The following ABHD2 variants were observed in gnomAD, a reference collection of about 807,000 sequenced individuals.
ABHD2 encodes the protein abhydrolase domain containing 2, acylglycerol lipase.
A neutral mutation model predicts 48.1 loss-of-function variants in ABHD2; 20 were observed. The observed-to-expected ratio is 0.42, with a 90% CI of 0.29 to 0.60. The LOEUF (loss-of-function observed/expected upper bound fraction) is 0.60, where lower values mean the gene tolerates loss of function less well. Among genes scored for constraint, ABHD2 ranks in the 20% least tolerant of loss-of-function variants. The probability of loss-of-function intolerance (pLI) is 0.24; values close to 1 mark genes in which losing one functional copy is unlikely to be tolerated. For synonymous variants in ABHD2, 209 were observed against 214.2 expected, an observed-to-expected ratio of 0.98 and a Z score of 0.21; for missense variants, 405 against 550.9, an observed-to-expected ratio of 0.74 and a Z score of 2.65.
In ABHD2 at chr15:89,120,452, A is replaced by G. The variant is rs1334886243; in HGVS notation, c.194+3931A>G. On this transcript the variant is annotated intron_variant, in intron 3 of 10. Transcript: ENST00000352732. The surrounding 1 kb of genome is among the most constrained non-coding windows in gnomAD (Gnocchi z 4.2). ...TTTTTAAATGGAAAAGGTAGAGCACACAAAAATTATCTATAAATGTTATAG... is the reference window on the plus strand; with the variant it reads ...TTTTTAAATGGAAAAGGTAGAGCACGCAAAAATTATCTATAAATGTTATAG... 1.3e-5 allele frequency among the ~76,000 whole-genome samples: 2 copies of G among 152,168 alleles called. No individual in the cohort carries two copies. Among genetic ancestry groups the G allele is most frequent in the African/African-American group, 4.8e-5 (2 of 41,444 alleles).
Position 89,189,220 on chromosome 15 carries a change from C to T in ABHD2, c.926+917C>T, listed in dbSNP as rs2051264229. Among the ~76,000 whole-genome samples, 1 of 152,212 alleles carries T rather than the reference C, an allele frequency of 6.6e-6. No individual in the cohort carries two copies. On this transcript the variant is annotated intron_variant, in intron 8 of 10. Transcript: ENST00000352732. The surrounding 1 kb of genome is among the most constrained non-coding windows in gnomAD (Gnocchi z 4.9). Reference sequence around the variant, plus strand: ...TCATTTGAGGCCAGGAACAGTGGCTCATGCCTGTAATTCCAGCACTTGGGG... The same window carrying T: ...TCATTTGAGGCCAGGAACAGTGGCTTATGCCTGTAATTCCAGCACTTGGGG...
Position 89,201,939 on chromosome 15 carries a change from C to G in ABHD2, c.*6516C>G. 5.7e-6 allele frequency: 3 copies of G among 523,112 alleles called. No individual in the cohort carries two copies. The highest frequency in any genetic ancestry group is 5.2e-5 in the South Asian group (2 of 38,576). The allele number at this position is 523,112 out of a possible 1,614,324, so 32.4% of individuals were successfully genotyped here. ...CAACCACATTCTTATGTTGGCAGAT[C>G]TGCTTCCAGATTGATTTTTAGAGCA... On this transcript the variant is annotated 3_prime_UTR_variant, in exon 11 of 11. Transcript: ENST00000352732.
the ABHD2 span, among the ~76,000 whole-genome samples, chr15:89,080,628 CG>C: frequency 7.9e-5 from 12 of 151,756 alleles, no homozygotes; most frequent in African/African-American, 2.7e-4. Context: ...TGGAGGCTAA[CG>C]GCTGTATGTG....
In ABHD2 at chr15:89,127,106, C is replaced by T. The variant is rs111871541; in HGVS notation, c.194+10585C>T. Among the ~76,000 whole-genome samples the T allele has an allele frequency of 5.0e-3, 759 of 152,192 alleles. 6 individuals carry two copies. The highest frequency in any genetic ancestry group is 0.016 in the African/African-American group (665 of 41,526). The stretch of plus-strand genomic sequence containing the variant: ...GTGCCCTCTACCAAGTACCAAGGGC[C>T]GGGTACTCCTCAGAGGCCCTCCATC... On this transcript the variant is annotated intron_variant, in intron 3 of 10. Coordinates refer to ENST00000352732, the MANE Select transcript of ABHD2 (RefSeq NM_152924.5).
intron 3 of ABHD2, among the ~76,000 whole-genome samples, chr15:89,121,966 A>G (rs1353970211): frequency 1.3e-5 from 2 of 152,164 alleles, no homozygotes; most frequent in African/African-American, 4.8e-5. Flanking sequence ...AGCTGGGACT[A>G]CAGGTGGGCA....
chr15:89,045,225 C>T, the ABHD2 span, among the ~76,000 whole-genome samples: 2 of 151,446 alleles, frequency 1.3e-5, no homozygotes, highest in African/African-American at 2.4e-5. Flanking sequence ...AGATATGCGG[C>T]GTTATTTCTG....
At position 89,164,686 on chromosome 15, in the gene ABHD2, A is replaced by G. The variant is rs2050811645; in HGVS notation, c.538+9152A>G. Among the ~76,000 whole-genome samples the G allele has an allele frequency of 6.6e-6, 1 of 151,928 alleles. No individual in the cohort carries two copies. The highest frequency in any genetic ancestry group is 6.6e-5 in the Admixed American group (1 of 15,260). On this transcript the variant is annotated intron_variant, in intron 5 of 10. Transcript: ENST00000352732. The surrounding 1 kb of genome is among the most constrained non-coding windows in gnomAD (Gnocchi z 5.0). ...TGTAATCTCAGCTACCTGGGAGGCA[A>G]AGGCAGGAGAATCGCTTGAGCCCAG...
chr15:89,103,630 G>T (rs918039002), intron 1 of ABHD2, among the ~76,000 whole-genome samples: 1 of 152,154 alleles, frequency 6.6e-6, no homozygotes, highest in African/African-American at 2.4e-5. Context: ...ATGTTCAGGG[G>T]GGTAAGGGTT....
In ABHD2 at chr15:89,145,837, T is replaced by C. The variant is rs11073841; in HGVS notation, c.195-5840T>C. On this transcript the variant is annotated intron_variant, in intron 3 of 10. Transcript: ENST00000352732. Reference sequence around the variant, plus strand: ...CACATCCCTGGAACAGCCCCCTGGTTTCTTTCTTGGATCCTGCCCTCATTT... The same window carrying C: ...CACATCCCTGGAACAGCCCCCTGGTCTCTTTCTTGGATCCTGCCCTCATTT... Among the ~76,000 whole-genome samples, 1,180 of 152,310 alleles carry C rather than the reference T, an allele frequency of 7.7e-3. 19 individuals carry two copies. The highest frequency in any genetic ancestry group is 0.027 in the African/African-American group (1,122 of 41,568).
At chr15:89,056,469 C>T in the ABHD2 span, among the ~76,000 whole-genome samples, 3 of 152,040 alleles carry the variant, frequency 2.0e-5, no homozygotes, top group South Asian at 2.1e-4. Context: ...GGTGAAACCC[C>T]GTCTCTACTA....
At position 89,173,962 on chromosome 15, in the gene ABHD2, C is replaced by G. The variant is rs989349260; in HGVS notation, c.539-1850C>G. Among the ~76,000 whole-genome samples, 1 of 152,096 alleles carries G rather than the reference C, an allele frequency of 6.6e-6. No individual in the cohort carries two copies. Among genetic ancestry groups the G allele is most frequent in the African/African-American group, 2.4e-5 (1 of 41,396 alleles). On this transcript the variant is annotated intron_variant, in intron 5 of 10. Transcript: ENST00000352732. This position sits in a 1 kb window ranked among gnomAD's most constrained non-coding sequence, Gnocchi z 6.5. ...TCTTGCTTAAGCTCCTTCTAAGCCC[C>G]CAGCATTTCCAGATCATGATTATTA... is the stretch of plus-strand genomic sequence containing the variant.
intron 4 of ABHD2, among the ~76,000 whole-genome samples, chr15:89,153,313 CTTCTAA>C (rs1021236810): frequency 8.1e-4 from 123 of 152,324 alleles, no homozygotes; most frequent in African/African-American, 2.9e-3. Flanking sequence ...GAATAGCTGG[CTTCTAA>C]TAAACAGCCA....
At chr15:89,149,955 G>C (rs994611899) in intron 3 of ABHD2, among the ~76,000 whole-genome samples, 2 of 152,138 alleles carry the variant, frequency 1.3e-5, no homozygotes, top group Non-Finnish European at 2.9e-5. Context: ...CTTGGAGGCC[G>C]CTTGGGGGGC....
chr15:89,093,458 A>G (rs759225711), intron 1 of ABHD2, among the ~76,000 whole-genome samples: 3 of 152,036 alleles, frequency 2.0e-5, no homozygotes, highest in Non-Finnish European at 4.4e-5. Flanking sequence ...GACGTGAGCC[A>G]CCGTGCCTGG....
chr15:89,045,267 T>C, the ABHD2 span, among the ~76,000 whole-genome samples: 2 of 151,904 alleles, frequency 1.3e-5, no homozygotes, highest in Non-Finnish European at 2.9e-5. Flanking sequence ...GATCTATATC[T>C]CTGTTTTGGT....
rs2150770560 is a variant in ABHD2 at position 89,092,675 on chromosome 15, T to C, written c.-107+4112T>C. On this transcript the variant is annotated intron_variant, in intron 1 of 10. Transcript: ENST00000352732. The surrounding 1 kb of genome is among the most constrained non-coding windows in gnomAD (Gnocchi z 4.4). ...CTGAACTTCCAAGGGATTTTATACATCTGTAAGCAAATTCGTTAAACATAT... is the reference window on the plus strand; with the variant it reads ...CTGAACTTCCAAGGGATTTTATACACCTGTAAGCAAATTCGTTAAACATAT... Among the ~76,000 whole-genome samples the C allele has an allele frequency of 6.6e-6, 1 of 152,322 alleles. No individual in the cohort carries two copies. Among genetic ancestry groups the C allele is most frequent in the African/African-American group, 2.4e-5 (1 of 41,568 alleles).
chr15:89,085,217 C>T (rs370225309), upstream of ABHD2, among the ~76,000 whole-genome samples: 7 of 152,120 alleles, frequency 4.6e-5, no homozygotes, highest in East Asian at 7.7e-4. The surrounding 1 kb of genome is among the most constrained non-coding windows in gnomAD (Gnocchi z 4.2). Context: ...GGGGCATACC[C>T]TCTCCCTTGT....
At chr15:89,090,816 G>A (rs904042409) in intron 1 of ABHD2, among the ~76,000 whole-genome samples, 3 of 152,118 alleles carry the variant, frequency 2.0e-5, no homozygotes, top group African/African-American at 7.2e-5. Flanking sequence ...ATTCTAAATG[G>A]ATGAACATTT....
the ABHD2 span, among the ~76,000 whole-genome samples, chr15:89,058,102 C>G: frequency 1.3e-5 from 2 of 152,300 alleles, no homozygotes; most frequent in East Asian, 1.9e-4. Flanking sequence ...GAAGTATGCT[C>G]CATCCTTCCG....
Sources: gnomAD v4.1 joint callset for allele counts (sites outside exome capture counted in the v4.1 genomes callset) on GRCh38, gnomAD v4.1.1 for gene constraint, Gnocchi (gnomAD v3.1) non-coding constraint, MANE v1.5 for transcripts, NCBI Gene and HGNC (gene_info 2026-07-23, HGNC 2026-07-21) for gene names.